Variants in DAB1 observed in about 807,000 individuals in gnomAD.
The protein encoded by DAB1 is disabled homolog 1.
A neutral mutation model predicts 64.6 loss-of-function variants in DAB1; 15 were observed. The ratio of observed to expected loss-of-function variants is 0.23; its 90% CI spans 0.16 to 0.36. DAB1 has a LOEUF of 0.36. Among genes scored for constraint, DAB1 ranks in the 10% least tolerant of loss-of-function variants. The probability of loss-of-function intolerance (pLI) is 1.00; values close to 1 mark genes in which losing one functional copy is unlikely to be tolerated. For synonymous variants in DAB1, 235 were observed against 251.9 expected (o/e 0.93, Z 0.64); for missense variants, 596 against 706.7 (o/e 0.84, Z 1.78).
In DAB1 at chr1:56,996,575, A is replaced by C. The variant is rs952387756; in HGVS notation, c.*1569T>G. 2 of 152,388 alleles carry C rather than the reference A, an allele frequency of 1.3e-5. No homozygotes were observed. Among genetic ancestry groups the C allele is most frequent in the East Asian group, 3.9e-4 (2 of 5,186 alleles). The allele number at this position is 152,388 out of a possible 1,614,324, so 9.4% of individuals were successfully genotyped here. On this transcript the variant is annotated 3_prime_UTR_variant, in exon 15 of 15. Transcript: ENST00000371236. Reference sequence around the variant, plus strand: ...GGGTAGGTGGGAGTGGGGAGGTGGGAGAGTTTCAGAATCTGAATTCTTCAG... The same window carrying C: ...GGGTAGGTGGGAGTGGGGAGGTGGGCGAGTTTCAGAATCTGAATTCTTCAG...
At chr1:57,420,114 C>T (rs1359905861) in intron 1 of DAB1, among the ~76,000 whole-genome samples, 1 of 152,186 alleles carries the variant, frequency 6.6e-6, no homozygotes, top group Non-Finnish European at 1.5e-5. Flanking sequence ...CTATCATTGC[C>T]CCACTCCCTG....
At chr1:58,249,650 A>G (rs1660708448) in intron 4 of DAB1, among the ~76,000 whole-genome samples, 1 of 152,134 alleles carries the variant, frequency 6.6e-6, no homozygotes, top group Non-Finnish European at 1.5e-5. Context: ...AACCCCCCGG[A>G]AGTCTCGACG....
At chr1:57,314,139 C>T (rs977419427) in intron 1 of DAB1, among the ~76,000 whole-genome samples, 2 of 152,156 alleles carry the variant, frequency 1.3e-5, no homozygotes, top group African/African-American at 2.4e-5. Context: ...GAGTTTGTTC[C>T]CTACGCAATT....
chr1:58,368,328 C>T (rs955959220), intron 3 of DAB1, among the ~76,000 whole-genome samples: 5 of 152,034 alleles, frequency 3.3e-5, no homozygotes, highest in East Asian at 1.9e-4. Context: ...TTGCAGCGAC[C>T]CCAGCCTGAG....
chr1:57,422,826 GC>G (rs746285106), intron 1 of DAB1, among the ~76,000 whole-genome samples: 1 of 152,122 alleles, frequency 6.6e-6, no homozygotes, highest in Non-Finnish European at 1.5e-5. Flanking sequence ...TGTGCCCACT[GC>G]CCCCCATCAG....
At chr1:57,287,861 T>C (rs1190972689) in intron 2 of DAB1, among the ~76,000 whole-genome samples, 1 of 152,048 alleles carries the variant, frequency 6.6e-6, no homozygotes, top group East Asian at 1.9e-4. Flanking sequence ...AATGAAGCCA[T>C]CTTGGCTCAC....
intron 6 of DAB1, among the ~76,000 whole-genome samples, chr1:57,747,393 A>G (rs1437355562): frequency 1.3e-5 from 2 of 152,176 alleles, no homozygotes; most frequent in Admixed American, 1.3e-4. Flanking sequence ...CTTAATTCAC[A>G]CATTTGTCTT....
chr1:57,398,374 T>C (rs950588274), intron 1 of DAB1, among the ~76,000 whole-genome samples: 3 of 137,464 alleles, frequency 2.2e-5, no homozygotes, highest in Non-Finnish European at 5.0e-5. Flanking sequence ...GAGCAACTGA[T>C]GGGGCATTGA....
At chr1:58,276,869 T>C (rs1305251256) in intron 4 of DAB1, among the ~76,000 whole-genome samples, 1 of 152,018 alleles carries the variant, frequency 6.6e-6, no homozygotes, top group Admixed American at 6.6e-5. Flanking sequence ...CACGAGATCA[T>C]GACTTGATGA....
intron 3 of DAB1, among the ~76,000 whole-genome samples, chr1:57,142,543 G>A (rs1450132293): frequency 2.6e-5 from 4 of 151,026 alleles, no homozygotes; most frequent in Non-Finnish European, 4.4e-5. Context: ...AAACTCTCAG[G>A]GCTTTGGGGA....
Position 57,091,523 on chromosome 1 carries a change from C to G in DAB1, c.307-19109G>C, listed in dbSNP as rs550778876. On this transcript the variant is annotated intron_variant, in intron 4 of 14. Coordinates refer to ENST00000371236, the MANE Select transcript of DAB1 (RefSeq NM_001365792.1). ...CTAAGTAATCAGCCCAAAGTCACAT[C>G]TAGGAAGCAGAAGATTAGATATCAG... Among the ~76,000 whole-genome samples the G allele has an allele frequency of 2.0e-5, 3 of 152,110 alleles. No individual in the cohort carries two copies. In the South Asian group the frequency reaches 6.2e-4, roughly 31 times the overall value.
chr1:57,888,024 C>T (rs138247162), upstream of DAB1, among the ~76,000 whole-genome samples: 10 of 152,274 alleles, frequency 6.6e-5, no homozygotes, highest in East Asian at 1.9e-3. Context: ...AAGAAACCAA[C>T]TCTTCATTTA....
intron 7 of DAB1, among the ~76,000 whole-genome samples, chr1:57,557,987 A>C (rs1369952397): frequency 6.6e-6 from 1 of 150,960 alleles, no homozygotes; most frequent in Non-Finnish European, 1.5e-5. Flanking sequence ...GGAAAAACAG[A>C]CACAAGCTTC....
chr1:57,826,734 C>T (rs1652367187), intron 1 of DAB1, among the ~76,000 whole-genome samples: 1 of 152,202 alleles, frequency 6.6e-6, no homozygotes, highest in African/African-American at 2.4e-5. Flanking sequence ...CAGAGCAATA[C>T]TGGCAGCAGC....
intron 4 of DAB1, among the ~76,000 whole-genome samples, chr1:58,237,348 A>G (rs894675433): frequency 9.9e-5 from 15 of 152,172 alleles, no homozygotes; most frequent in Non-Finnish European, 2.9e-5. Flanking sequence ...CGAAGAAGAC[A>G]TTTGCCATAT....
intron 7 of DAB1, among the ~76,000 whole-genome samples, chr1:57,487,901 C>T (rs942699594): frequency 6.6e-6 from 1 of 152,154 alleles, no homozygotes; most frequent in African/African-American, 2.4e-5. Flanking sequence ...TTAACCATTA[C>T]CAAACTGAGA....
chr1:58,148,404 T>C lies in DAB1; in HGVS notation n.387+2107A>G, dbSNP rs896343315. 2.6e-5 allele frequency among the ~76,000 whole-genome samples: 4 copies of C among 152,224 alleles called. No homozygotes were observed. In the South Asian group the frequency reaches 8.3e-4, roughly 32 times the overall value. ...CACTGTCTTAGAATATATTCTGAAC[T>C]CTTTACTGTGACCTGAAAGATGCTA... is the stretch of plus-strand genomic sequence containing the variant. On this transcript the variant is annotated intron_variant and non_coding_transcript_variant, in intron 5 of 20. Coordinates refer to the DAB1 transcript ENST00000485760.
intron 7 of DAB1, among the ~76,000 whole-genome samples, chr1:57,491,150 T>C (rs9436132): frequency 0.38 from 58,207 of 152,058 alleles, 12,154 homozygotes; most frequent in African/African-American, 0.55. Context: ...ATTTTTTGGC[T>C]GGGCGCGGTG....
chr1:57,783,059 C>CCTTT (rs1650178794), intron 6 of DAB1, among the ~76,000 whole-genome samples: 1 of 128,964 alleles, frequency 7.8e-6, no homozygotes, highest in African/African-American at 2.9e-5. Flanking sequence ...TTCCTTCCTT[C>CCTTT]CTTCCTTCCT....
Sources: allele counts gnomAD v4.1 joint callset (sites outside exome capture counted in the v4.1 genomes callset), GRCh38; gene constraint gnomAD v4.1.1; transcripts MANE v1.5; gene names NCBI Gene and HGNC (gene_info 2026-07-23, HGNC 2026-07-21).